USP48: variants seen among roughly 807,000 people sequenced by gnomAD.
USP48 encodes the protein ubiquitin specific peptidase 48.
USP48 carries 43 observed loss-of-function variants against 150.7 expected under a neutral mutation model. The observed-to-expected ratio is 0.29, with a 90% CI of 0.22 to 0.37. The LOEUF (loss-of-function observed/expected upper bound fraction) is 0.37. USP48 is among the 10% of genes least tolerant of loss of function. The pLI is 1.00. For missense variants in USP48, 813 were observed against 1,249.6 expected, an observed-to-expected ratio of 0.65 and a Z score of 5.27; for synonymous variants, 396 against 425.9, an observed-to-expected ratio of 0.93 and a Z score of 0.86.
At chr1:21,718,351 T>TCCC (rs2097710444) in intron 14 of USP48, among the ~76,000 whole-genome samples, 2 of 152,242 alleles carry the variant, frequency 1.3e-5, no homozygotes. Context: ...ACAGTGATTG[T>TCCC]ATCTGGTGGG....
At chr1:21,695,295 G>A in intron 22 of USP48, 74 bp from the exon 23 acceptor site, 4 of 1,466,454 alleles carry the variant, frequency 2.7e-6, no homozygotes, top group South Asian at 1.4e-5. Flanking sequence ...AAGTTTTTCA[G>A]GTAAACAAAA....
chr1:21,760,953 C>T (rs898566133), intron 1 of USP48, among the ~76,000 whole-genome samples: 1 of 151,310 alleles, frequency 6.6e-6, no homozygotes, highest in Non-Finnish European at 1.5e-5. Context: ...ATTAGCCGGG[C>T]ATGGTGGCGC....
chr1:21,727,959 T>C (rs1039162069), intron 11 of USP48: 1 of 985,266 alleles, frequency 1.0e-6, no homozygotes, highest in Admixed American at 6.2e-5. Flanking sequence ...GATAACTTAA[T>C]ACAAATGGCA....
At chr1:21,732,308 C>T (rs964429890) in intron 9 of USP48, among the ~76,000 whole-genome samples, 34 of 152,014 alleles carry the variant, frequency 2.2e-4, no homozygotes, top group African/African-American at 8.2e-4. Context: ...ATGGGCAGTT[C>T]TAAGGAAATC....
At chr1:21,704,970 G>A (rs1310877130) in intron 19 of USP48, among the ~76,000 whole-genome samples, 1 of 152,056 alleles carries the variant, frequency 6.6e-6, no homozygotes, top group African/African-American at 2.4e-5. Flanking sequence ...GGAGGAAAGA[G>A]AAGAGAGATG....
chr1:21,739,330 C>A (rs1398349897), intron 8 of USP48, among the ~76,000 whole-genome samples: 1 of 151,666 alleles, frequency 6.6e-6, no homozygotes, highest in African/African-American at 2.4e-5. Flanking sequence ...ACTAGCCTGG[C>A]CAGCATGGTG....
At chr1:21,763,020 A>C (rs993478548) in intron 1 of USP48, among the ~76,000 whole-genome samples, 4 of 152,156 alleles carry the variant, frequency 2.6e-5, no homozygotes, top group African/African-American at 9.7e-5. Context: ...TCAGACAATG[A>C]AGAAAAGGTA....
rs573112475 is a variant in USP48, at chr1:21,722,998, T to G, written c.1648+900A>C. Among the ~76,000 whole-genome samples, 31 of 151,886 alleles carry G rather than the reference T, an allele frequency of 2.0e-4. No individual in the cohort carries two copies. In the East Asian group the frequency reaches 5.8e-3, roughly 28 times the overall value. On this transcript the variant is annotated intron_variant, in intron 12 of 26. Transcript: ENST00000308271. ...AGAAAAAGTGTATTGGGGAGGGAGG[T>G]GTCATGTAATTTCCTACAGCCTCAT...
chr1:21,756,168 A>AAATAATAAT (rs111749356), intron 3 of USP48, among the ~76,000 whole-genome samples: 1 of 151,078 alleles, frequency 6.6e-6, no homozygotes. Flanking sequence ...TGTCTTAAAA[A>AAATAATAAT]AATAATAATA....
intron 8 of USP48, among the ~76,000 whole-genome samples, chr1:21,745,246 T>C (rs1334581842): frequency 1.3e-5 from 2 of 152,194 alleles, no homozygotes; most frequent in African/African-American, 4.8e-5. Context: ...AGATTGCTTT[T>C]ACCAGTCCTA....
chr1:21,752,669 TG>T lies in USP48; in HGVS notation c.541-19del. 1 of 1,575,076 alleles carries T rather than the reference TG, an allele frequency of 6.3e-7. No individual in the cohort carries two copies. Among genetic ancestry groups the T allele is most frequent in the Admixed American group, 2.1e-5 (1 of 47,640 alleles). On this transcript the variant is annotated intron_variant, in intron 4 of 26. Coordinates refer to ENST00000308271, the MANE Select transcript of USP48 (RefSeq NM_032236.8). Reference sequence around the variant, plus strand: ...TGAGCATCCTACAAGTTTAGGTTAATGAAAAGAAAAATCATATCTTGCTTTT... The same window carrying T: ...TGAGCATCCTACAAGTTTAGGTTAATAAAAGAAAAATCATATCTTGCTTTT...
At chr1:21,752,364 A>G (rs1191329777) in intron 5 of USP48, among the ~76,000 whole-genome samples, 163 bp downstream of exon 5, 1 of 152,156 alleles carries the variant, frequency 6.6e-6, no homozygotes, top group Admixed American at 6.5e-5. Context: ...GCAATTACCA[A>G]CTCACTTGTT....
At chr1:21,767,429 A>G (rs2097864816) in intron 1 of USP48, among the ~76,000 whole-genome samples, 1 of 152,100 alleles carries the variant, frequency 6.6e-6, no homozygotes, top group African/African-American at 2.4e-5. Flanking sequence ...GTTTCAAGTG[A>G]TTCTCCTGCC....
rs538839917 is a variant in USP48, at chr1:21,742,126, AT to A, written c.991+4940del. Among the ~76,000 whole-genome samples, 3 of 152,160 alleles carry A rather than the reference AT, an allele frequency of 2.0e-5. No individual in the cohort carries two copies. In the South Asian group the frequency reaches 6.2e-4, roughly 32 times the overall value. Reference sequence around the variant, plus strand: ...CCCTAGGGGGCATTTTCATACTCCAATTTTAGGGTTTACTTGGAATCACCCT... The same window carrying A: ...CCCTAGGGGGCATTTTCATACTCCAATTTAGGGTTTACTTGGAATCACCCT... On this transcript the variant is annotated intron_variant, in intron 8 of 26. Coordinates refer to ENST00000308271, the MANE Select transcript of USP48 (RefSeq NM_032236.8).
chr1:21,779,503 G>A (rs749147722), intron 1 of USP48, among the ~76,000 whole-genome samples: 187 of 151,790 alleles, frequency 1.2e-3, no homozygotes, highest in Non-Finnish European at 2.1e-3. Flanking sequence ...CCGAGATGGC[G>A]CCACTGCACT....
At position 21,682,444 on chromosome 1, in the gene USP48, C is replaced by CTT. The variant is rs139299505; in HGVS notation, c.3059-1612_3059-1611dup. On this transcript the variant is annotated intron_variant, in intron 25 of 26. Transcript: ENST00000308271. ...ATATAGTTCCTCTTCCTATTGTTTG[C>CTT]TTTTTTTTTTTGCCATTATTTATAG... Among the ~76,000 whole-genome samples, 11 of 144,400 alleles carry CTT rather than the reference C, an allele frequency of 7.6e-5. No individual in the cohort carries two copies. The South Asian group carries it at 1.1e-3, about 14-fold the overall frequency. The allele number at this position is 144,400 out of a possible 152,430, so 94.7% of individuals were successfully genotyped here. A position where few individuals can be genotyped will look rare whatever the true frequency, so the allele number is the denominator to read the frequency against.
intron 1 of USP48, among the ~76,000 whole-genome samples, chr1:21,759,773 A>C (rs2097845799): frequency 6.6e-6 from 1 of 152,228 alleles, no homozygotes; most frequent in African/African-American, 2.4e-5. Context: ...TCCCTTTAGA[A>C]GAAAACCAAC....
rs755875176 is a variant in USP48, at chr1:21,706,883, AT to A, written c.1964-16del. ...GCATAACTCACCTGAGTTTAAAAAAATATATTTGGAAAAAAAAAAAACAGCT... is the reference window on the plus strand; with the variant it reads ...GCATAACTCACCTGAGTTTAAAAAAAATATTTGGAAAAAAAAAAAACAGCT... On this transcript the variant is annotated splice_polypyrimidine_tract_variant and intron_variant, in intron 15 of 26. Coordinates refer to ENST00000308271, the MANE Select transcript of USP48 (RefSeq NM_032236.8). 6.4e-7 allele frequency: 1 copy of A among 1,573,360 alleles called. No individual in the cohort carries two copies. The highest frequency in any genetic ancestry group is 8.6e-7 in the Non-Finnish European group (1 of 1,167,438).
At chr1:21,697,505 T>C (rs2097639476) in intron 22 of USP48, among the ~76,000 whole-genome samples, 1 of 151,492 alleles carries the variant, frequency 6.6e-6, no homozygotes, top group Non-Finnish European at 1.5e-5. Context: ...CTACTAAAAA[T>C]ACAAAAAATT....
Sources: gnomAD v4.1 joint callset for allele counts (sites outside exome capture counted in the v4.1 genomes callset) on GRCh38, gnomAD v4.1.1 for gene constraint, MANE v1.5 for transcripts, NCBI Gene and HGNC (gene_info 2026-07-23, HGNC 2026-07-21) for gene names.